Variants in HSD11B1 observed in about 807,000 individuals in gnomAD.
HSD11B1 encodes the protein hydroxysteroid 11-beta dehydrogenase 1, also known as 11-beta-hydroxysteroid dehydrogenase 1.
Under a neutral mutation model 22.1 loss-of-function variants are expected in HSD11B1, and 15 were observed. The observed-to-expected ratio is 0.68, with a 90% CI of 0.45 to 1.04. The LOEUF is 1.04. Among genes scored for constraint, HSD11B1 ranks in the 50% least tolerant of loss-of-function variants. The pLI, the probability that HSD11B1 is intolerant of heterozygous loss-of-function variation, is 0.00. For synonymous variants in HSD11B1, 122 were observed against 125.2 expected, an observed-to-expected ratio of 0.97 and a Z score of 0.17; for missense variants, 281 against 357.6, an observed-to-expected ratio of 0.79 and a Z score of 1.73.
At position 209,706,992 on chromosome 1, in the gene HSD11B1, T is replaced by A; in HGVS notation, c.381T>A (p.Asn127Lys). The change falls in exon 4 of 6, where the codon AAT becomes AAA. Residue 127 changes from asparagine (N) to lysine (K), a missense_variant. Asn to Lys is a moderately conservative substitution (Grantham distance 94). Coordinates refer to ENST00000367027, the MANE Select transcript of HSD11B1 (RefSeq NM_005525.4). The surrounding 1 kb of genome is among the most constrained non-coding windows in gnomAD (Gnocchi z 4.0). ...ILNHITNTSL[N>K]LFHDDIHHVR... is the part of the protein sequence containing the mutation. ...ACCACATCACCAACACTTCTTTGAA[T>A]CTTTTTCATGATGATATTCACCATG... 1.2e-6 allele frequency: 2 copies of A among 1,614,172 alleles called. No individual in the cohort carries two copies. Among genetic ancestry groups the A allele is most frequent in the Non-Finnish European group, 1.7e-6 (2 of 1,179,986 alleles).
chr1:209,719,043 A>G (rs1203147034), intron 4 of HSD11B1, among the ~76,000 whole-genome samples: 3 of 150,730 alleles, frequency 2.0e-5, no homozygotes, highest in Non-Finnish European at 1.5e-5. Flanking sequence ...AAAAGGAAAG[A>G]AAAGAAAAGA....
chr1:209,716,958 GA>G (rs1375206642), intron 4 of HSD11B1, among the ~76,000 whole-genome samples: 1 of 152,058 alleles, frequency 6.6e-6, no homozygotes, highest in African/African-American at 2.4e-5. Flanking sequence ...GAAACCAGAA[GA>G]AAATGTAGGG....
chr1:209,721,686 C>T (rs11119333), intron 4 of HSD11B1, among the ~76,000 whole-genome samples: 14,583 of 152,134 alleles, frequency 0.096, 2,118 homozygotes, highest in African/African-American at 0.31. Flanking sequence ...AGGCTTCAAT[C>T]AGCCCAGCCC....
chr1:209,698,446 C>G (rs1328248993), intron 1 of HSD11B1, among the ~76,000 whole-genome samples: 1 of 152,190 alleles, frequency 6.6e-6, no homozygotes, highest in Admixed American at 6.5e-5. Flanking sequence ...TGGTGTCACC[C>G]TAGCGTGCTT....
At chr1:209,731,757 C>T (rs2102401559) in intron 4 of HSD11B1, among the ~76,000 whole-genome samples, 1 of 152,256 alleles carries the variant, frequency 6.6e-6, no homozygotes, top group African/African-American at 2.4e-5. Context: ...CTCTGTCACC[C>T]AAGCTGCAGT....
intron 1 of HSD11B1, among the ~76,000 whole-genome samples, chr1:209,696,531 A>C (rs1216466930): frequency 6.6e-6 from 1 of 152,202 alleles, no homozygotes; most frequent in Non-Finnish European, 1.5e-5. Flanking sequence ...ATCAACACAA[A>C]GGTTGTAATT....
chr1:209,710,092 G>T (rs1191261055), intron 4 of HSD11B1, among the ~76,000 whole-genome samples: 2 of 152,052 alleles, frequency 1.3e-5, no homozygotes, highest in Non-Finnish European at 2.9e-5. Flanking sequence ...TACCTAAATA[G>T]CATTTGTGAA....
chr1:209,700,054 C>T (rs774693000), upstream of HSD11B1, among the ~76,000 whole-genome samples: 7 of 152,292 alleles, frequency 4.6e-5, no homozygotes, highest in East Asian at 1.9e-4. Flanking sequence ...TGAGTGTCTG[C>T]GGCTTTCCAA....
chr1:209,691,135 A>G (rs1272260918), intron 1 of HSD11B1, among the ~76,000 whole-genome samples: 1 of 152,212 alleles, frequency 6.6e-6, no homozygotes, highest in Non-Finnish European at 1.5e-5. Context: ...CTCAGTGTCA[A>G]CACTGGAAGC....
At chr1:209,694,874 TGAG>T (rs1330688646) in intron 1 of HSD11B1, among the ~76,000 whole-genome samples, 2 of 152,176 alleles carry the variant, frequency 1.3e-5, no homozygotes, top group African/African-American at 4.8e-5. Context: ...CAGAGAAATG[TGAG>T]GAGGTCACTA....
chr1:209,705,017 G>A lies in HSD11B1; in HGVS notation c.75G>A (p.Glu25=), dbSNP rs774972800. 3 of 1,613,334 alleles carry A rather than the reference G, an allele frequency of 1.9e-6. No homozygotes were observed. Among genetic ancestry groups the A allele is most frequent in the Non-Finnish European group, 2.5e-6 (3 of 1,179,430 alleles). ...CCTACTACTACTATTCTGCAAACGAGGAATTCAGACCAGGTAAGTACCCAT... is the reference window on the plus strand; with the variant it reads ...CCTACTACTACTATTCTGCAAACGAAGAATTCAGACCAGGTAAGTACCCAT... ...FMAYYYYSAN[E]EFRPEMLQGK... is the part of the protein sequence containing the mutation. Residue 25 remains glutamate, a synonymous_variant, in exon 1 of 6, where the codon GAG becomes GAA. Coordinates refer to ENST00000367027, the MANE Select transcript of HSD11B1 (RefSeq NM_005525.4).
Position 209,696,131 on chromosome 1 carries a change from A to G in HSD11B1, c.-48-8764A>G, listed in dbSNP as rs540479802. On this transcript the variant is annotated intron_variant, in intron 1 of 6. Transcript: ENST00000261465. The stretch of plus-strand genomic sequence containing the variant: ...TTACACGTTGTGTAGTTCTACTAAT[A>G]TAAAATGTCCAGGGCAGGCAAGTCT... Among the ~76,000 whole-genome samples, 6 of 152,356 alleles carry G rather than the reference A, an allele frequency of 3.9e-5. No homozygotes were observed. The South Asian group carries it at 1.2e-3, about 32-fold the overall frequency.
intron 1 of HSD11B1, among the ~76,000 whole-genome samples, chr1:209,696,103 A>G (rs1269841291): frequency 6.6e-6 from 1 of 152,224 alleles, no homozygotes; most frequent in Non-Finnish European, 1.5e-5. Flanking sequence ...GTCAGACAAA[A>G]GATTACACGT....
At chr1:209,694,058 A>G (rs1043369976) in intron 1 of HSD11B1, among the ~76,000 whole-genome samples, 4 of 152,050 alleles carry the variant, frequency 2.6e-5, no homozygotes, top group Middle Eastern at 3.4e-3. Flanking sequence ...CTTCCGCCCA[A>G]CCCTCAAACA....
chr1:209,701,181 T>C (rs1558188470), upstream of HSD11B1, among the ~76,000 whole-genome samples: 1 of 152,208 alleles, frequency 6.6e-6, no homozygotes, highest in Non-Finnish European at 1.5e-5. Context: ...TTAACACTGC[T>C]GATAAAGACA....
At chr1:209,711,404 C>T (rs906311302) in intron 4 of HSD11B1, among the ~76,000 whole-genome samples, 33 of 152,152 alleles carry the variant, frequency 2.2e-4, no homozygotes, top group African/African-American at 7.7e-4. Flanking sequence ...CAATTTATCC[C>T]TTGCCACAGT....
chr1:209,698,623 T>C (rs1410691029), intron 1 of HSD11B1, among the ~76,000 whole-genome samples: 1 of 152,238 alleles, frequency 6.6e-6, no homozygotes, highest in East Asian at 1.9e-4. Flanking sequence ...AGTTCTTACA[T>C]GGCCCCCTCT....
chr1:209,701,600 C>T (rs1000336465), upstream of HSD11B1, among the ~76,000 whole-genome samples: 2 of 152,192 alleles, frequency 1.3e-5, no homozygotes, highest in African/African-American at 2.4e-5. Flanking sequence ...ACAGTGTTTA[C>T]CTACTTTTTA....
At chr1:209,731,665 T>C (rs2077036484) in intron 4 of HSD11B1, among the ~76,000 whole-genome samples, 1 of 152,124 alleles carries the variant, frequency 6.6e-6, no homozygotes, top group Admixed American at 6.5e-5. Context: ...ACCAGTCTGG[T>C]GAACATTTTT....
Sources: gnomAD v4.1 joint callset for allele counts (sites outside exome capture counted in the v4.1 genomes callset) on GRCh38, gnomAD v4.1.1 for gene constraint, Gnocchi (gnomAD v3.1) non-coding constraint, MANE v1.5 for transcripts, NCBI Gene and HGNC (gene_info 2026-07-23, HGNC 2026-07-21) for gene names.